Variants in MYO3B observed in about 807,000 individuals in gnomAD.
MYO3B encodes the protein myosin-IIIb.
MYO3B carries 156 observed loss-of-function variants against 174.6 expected under a neutral mutation model. The ratio of observed to expected loss-of-function variants is 0.89; its 90% CI spans 0.78 to 1.02. The LOEUF is 1.02. Among genes scored for constraint, MYO3B ranks in the 50% least tolerant of loss-of-function variants. The pLI is 0.00. For synonymous variants in MYO3B, 563 were observed against 569.1 expected (o/e 0.99, Z 0.15); for missense variants, 1,632 against 1,639.4 (o/e 1.00, Z 0.08).
At position 170,399,265 on chromosome 2, in the gene MYO3B, A is replaced by G. The variant is rs1406238036; in HGVS notation, c.1792-923A>G. ...CTCAAAAAAAAAAAAAAAAAAAAAA[A>G]AGAGAGAGACCAGTCTGGCCAACAG... On this transcript the variant is annotated intron_variant, in intron 16 of 34. Transcript: ENST00000408978. Among the ~76,000 whole-genome samples, 45 of 104,260 alleles carry G rather than the reference A, an allele frequency of 4.3e-4. 4 individuals are homozygous for G. The highest frequency in any genetic ancestry group is 5.0e-4 in the African/African-American group (12 of 24,084). The allele number at this position is 104,260 out of a possible 152,430, so 68.4% of individuals were successfully genotyped here.
At chr2:170,537,612 A>G (rs1377196169) in intron 30 of MYO3B, among the ~76,000 whole-genome samples, 2 of 151,464 alleles carry the variant, frequency 1.3e-5, no homozygotes, top group Non-Finnish European at 2.9e-5. Context: ...CTGTCTGGCT[A>G]GTTTTTGTAT....
At chr2:170,296,564 A>G (rs562388467) in intron 7 of MYO3B, among the ~76,000 whole-genome samples, 1 of 152,322 alleles carries the variant, frequency 6.6e-6, no homozygotes, top group East Asian at 1.9e-4. Context: ...ACTGAGCAGA[A>G]TCTTGCAATG....
intron 25 of MYO3B, among the ~76,000 whole-genome samples, chr2:170,497,180 T>A (rs902430078): frequency 2.0e-5 from 3 of 152,246 alleles, no homozygotes; most frequent in Non-Finnish European, 4.4e-5. Context: ...TTTGTATCTC[T>A]GAAGACACAG....
intron 1 of MYO3B, among the ~76,000 whole-genome samples, chr2:170,179,315 C>A (rs956100252): frequency 6.6e-6 from 1 of 152,170 alleles, no homozygotes; most frequent in African/African-American, 2.4e-5. Flanking sequence ...GACATTTGAG[C>A]TATACTTGAA....
intron 25 of MYO3B, among the ~76,000 whole-genome samples, chr2:170,480,562 T>G (rs1187292294): frequency 6.6e-6 from 1 of 152,184 alleles, no homozygotes; most frequent in African/African-American, 2.4e-5. Flanking sequence ...AAAGAGGGTG[T>G]CATGGGAACC....
intron 6 of MYO3B, among the ~76,000 whole-genome samples, chr2:170,223,337 A>G (rs1255898707): frequency 6.6e-6 from 1 of 152,148 alleles, no homozygotes. Flanking sequence ...CCTGACAGCC[A>G]ATTTCTTATA....
At chr2:170,270,695 A>G (rs1413227631) in intron 7 of MYO3B, among the ~76,000 whole-genome samples, 2 of 152,158 alleles carry the variant, frequency 1.3e-5, no homozygotes, top group African/African-American at 4.8e-5. Context: ...TGTTTCCTCC[A>G]ACGTGGCAAG....
intron 7 of MYO3B, among the ~76,000 whole-genome samples, chr2:170,258,855 C>T (rs1396808811): frequency 2.0e-5 from 3 of 152,206 alleles, no homozygotes; most frequent in South Asian, 2.1e-4. Context: ...AACTGATAAA[C>T]GACTTCAGTA....
chr2:170,381,700 G>A (rs540290533), intron 9 of MYO3B, among the ~76,000 whole-genome samples: 1 of 152,328 alleles, frequency 6.6e-6, no homozygotes, highest in African/African-American at 2.4e-5. Flanking sequence ...GCCTGACACT[G>A]AGCAGAAGTC....
intron 32 of MYO3B, among the ~76,000 whole-genome samples, chr2:170,622,370 TGAG>T (rs908992560): frequency 1.3e-5 from 2 of 152,298 alleles, no homozygotes; most frequent in African/African-American, 4.8e-5. Context: ...TTTTCTGTCC[TGAG>T]AAGAGCAACT....
intron 7 of MYO3B, among the ~76,000 whole-genome samples, chr2:170,280,435 T>A (rs2093499537): frequency 6.6e-6 from 1 of 152,192 alleles, no homozygotes; most frequent in African/African-American, 2.4e-5. Context: ...TGCTGATAGT[T>A]TCTTTTGCCG....
intron 16 of MYO3B, among the ~76,000 whole-genome samples, chr2:170,397,637 G>A (rs923729950): frequency 6.6e-6 from 1 of 152,104 alleles, no homozygotes; most frequent in African/African-American, 2.4e-5. Context: ...CACCAAATAT[G>A]TGGGTTTTTC....
At chr2:170,547,585 T>G (rs186814828) in intron 32 of MYO3B, among the ~76,000 whole-genome samples, 18 of 152,362 alleles carry the variant, frequency 1.2e-4, no homozygotes, top group Admixed American at 3.3e-4. Context: ...TTATTAACGC[T>G]ATGTGCCAGG....
chr2:170,447,670 C>T lies in MYO3B; in HGVS notation c.2730+3624C>T, dbSNP rs146667512. On this transcript the variant is annotated intron_variant, in intron 23 of 34. Coordinates refer to ENST00000408978, the MANE Select transcript of MYO3B (RefSeq NM_138995.5). The stretch of plus-strand genomic sequence containing the variant: ...GGGTTCATCTTGGCCACTGCCTAGA[C>T]AGAGCCAATTGATCAAGATGGGAAT... Among the ~76,000 whole-genome samples the T allele has an allele frequency of 5.3e-5, 8 of 152,322 alleles. No homozygotes were observed. The East Asian group carries it at 1.5e-3, about 29-fold the overall frequency.
At chr2:170,325,879 A>C (rs190879447) in intron 7 of MYO3B, among the ~76,000 whole-genome samples, 1 of 152,172 alleles carries the variant, frequency 6.6e-6, no homozygotes, top group Non-Finnish European at 1.5e-5. Flanking sequence ...GATCAGTTCT[A>C]TCTATAATAA....
intron 22 of MYO3B, among the ~76,000 whole-genome samples, chr2:170,438,386 A>G (rs1207479533): frequency 1.3e-5 from 2 of 152,100 alleles, no homozygotes; most frequent in African/African-American, 4.8e-5. Context: ...GGTGCAATGA[A>G]CACAGGAGTG....
chr2:170,407,605 A>AGCTCTGGAT, intron 21 of MYO3B, 110 bp from the exon 22 acceptor site: 7 of 453,470 alleles, frequency 1.5e-5, no homozygotes, highest in Non-Finnish European at 2.2e-5. Flanking sequence ...AAGCTATGTA[A>AGCTCTGGAT]AGATGAGTTC....
intron 8 of MYO3B, chr2:170,343,923 A>G (rs1213288743): frequency 6.6e-6 from 1 of 152,230 alleles, no homozygotes. Context: ...AAAACCCCAA[A>G]AACAGTGGCT....
chr2:170,535,307 T>C (rs1490707695), intron 30 of MYO3B, among the ~76,000 whole-genome samples: 1 of 152,234 alleles, frequency 6.6e-6, no homozygotes, highest in Non-Finnish European at 1.5e-5. Flanking sequence ...ATTGTTCTTA[T>C]ACAGAATCTC....
Sources: allele counts gnomAD v4.1 joint callset (sites outside exome capture counted in the v4.1 genomes callset), GRCh38; gene constraint gnomAD v4.1.1; transcripts MANE v1.5; gene names NCBI Gene and HGNC (gene_info 2026-07-23, HGNC 2026-07-21).